MALRD1: variants seen among roughly 807,000 people sequenced by gnomAD.
MALRD1 encodes MAM and LDL-receptor class A domain-containing protein 1.
Under a neutral mutation model 242.1 loss-of-function variants are expected in MALRD1, and 247 were observed. The observed-to-expected ratio is 1.02, with a 90% CI of 0.92 to 1.13. The LOEUF (loss-of-function observed/expected upper bound fraction) is 1.13. Ranked by LOEUF, MALRD1 falls within the 50% of genes most tolerant of loss-of-function variation. MALRD1 has a pLI of 0.00. For synonymous variants in MALRD1, 995 were observed against 866.6 expected, an observed-to-expected ratio of 1.15 and a Z score of -2.60; for missense variants, 2,989 against 2,533.1, an observed-to-expected ratio of 1.18 and a Z score of -3.86.
intron 21 of MALRD1, among the ~76,000 whole-genome samples, chr10:19,287,666 G>A (rs997475417): frequency 1.3e-5 from 2 of 152,126 alleles, no homozygotes; most frequent in Middle Eastern, 3.4e-3. Context: ...ATGGTGCTGG[G>A]ATATTTGATT....
At chr10:19,057,699 C>T (rs1834708803) in intron 1 of MALRD1, among the ~76,000 whole-genome samples, 3 of 152,082 alleles carry the variant, frequency 2.0e-5, no homozygotes, top group Admixed American at 2.0e-4. Context: ...TGAATAGGTC[C>T]ATTTTCATGG....
chr10:19,188,423 A>G (rs1013577502), intron 14 of MALRD1, among the ~76,000 whole-genome samples: 1 of 152,204 alleles, frequency 6.6e-6, no homozygotes, highest in African/African-American at 2.4e-5. Flanking sequence ...GTGATTGTAT[A>G]TCTGAACAAA....
At chr10:19,476,828 G>A (rs752214955) in intron 29 of MALRD1, among the ~76,000 whole-genome samples, 3 of 151,988 alleles carry the variant, frequency 2.0e-5, no homozygotes, top group Non-Finnish European at 2.9e-5. Context: ...TAGAAGATTC[G>A]TGAGTCTTTC....
chr10:19,301,743 A>G (rs1366992875), intron 21 of MALRD1, among the ~76,000 whole-genome samples: 1 of 151,698 alleles, frequency 6.6e-6, no homozygotes, highest in Non-Finnish European at 1.5e-5. Context: ...GCGAGGATTG[A>G]AATGCTACCT....
chr10:19,381,992 A>T (rs1845857823), intron 26 of MALRD1, among the ~76,000 whole-genome samples: 1 of 152,096 alleles, frequency 6.6e-6, no homozygotes, highest in African/African-American at 2.4e-5. Context: ...GGTACTACGA[A>T]ATTTGTATGT....
At chr10:19,344,915 T>C (rs1844042886) in intron 24 of MALRD1, among the ~76,000 whole-genome samples, 1 of 152,082 alleles carries the variant, frequency 6.6e-6, no homozygotes, top group Non-Finnish European at 1.5e-5. Flanking sequence ...GTTTGATTGA[T>C]GACACAGCTT....
At chr10:19,468,764 A>T (rs2131128923) in intron 29 of MALRD1, among the ~76,000 whole-genome samples, 1 of 152,220 alleles carries the variant, frequency 6.6e-6, no homozygotes, top group South Asian at 2.1e-4. Flanking sequence ...ACAAGATCCC[A>T]GAAAACCCAT....
intron 16 of MALRD1, 31 bp downstream of exon 16, chr10:19,204,444 T>A: frequency 7.0e-7 from 1 of 1,428,976 alleles, no homozygotes; most frequent in Non-Finnish European, 9.6e-7. Flanking sequence ...TAAACAATAT[T>A]AAACAGTTCA....
At chr10:19,124,697 G>T (rs1187653382) in intron 7 of MALRD1, 27 bp downstream of exon 7, 1 of 1,232,470 alleles carries the variant, frequency 8.1e-7, no homozygotes, top group Non-Finnish European at 1.0e-6. Flanking sequence ...TATCTTTTAT[G>T]TATTACTTTC....
chr10:19,605,121 T>C (rs1838542547), intron 34 of MALRD1, among the ~76,000 whole-genome samples: 1 of 151,846 alleles, frequency 6.6e-6, no homozygotes, highest in African/African-American at 2.4e-5. Context: ...CCCTAGACAA[T>C]TTCTACCATT....
intron 31 of MALRD1, among the ~76,000 whole-genome samples, chr10:19,524,709 T>G (rs979462293): frequency 7.0e-6 from 1 of 143,562 alleles, no homozygotes; most frequent in African/African-American, 2.9e-5. Flanking sequence ...CCAGCTTTAT[T>G]TTATGAACAG....
intron 26 of MALRD1, among the ~76,000 whole-genome samples, chr10:19,357,101 C>T (rs1218986904): frequency 1.6e-5 from 2 of 125,590 alleles, no homozygotes; most frequent in African/African-American, 3.2e-5. Context: ...CAGAGTGAGA[C>T]TCTGTCTGAA....
chr10:19,315,840 ATTATT>A (rs976080750), intron 21 of MALRD1, among the ~76,000 whole-genome samples: 9 of 145,648 alleles, frequency 6.2e-5, no homozygotes, highest in African/African-American at 2.0e-4. Context: ...AAATTTTTAA[ATTATT>A]TTATTATTTA....
At chr10:19,105,851 G>A (rs1224544557) in intron 5 of MALRD1, among the ~76,000 whole-genome samples, 2 of 151,824 alleles carry the variant, frequency 1.3e-5, no homozygotes, top group East Asian at 3.9e-4. Context: ...GAGGTTTTGT[G>A]TCCACTTTCA....
chr10:19,168,134 A>C (rs1834778242), intron 13 of MALRD1, among the ~76,000 whole-genome samples: 2 of 152,150 alleles, frequency 1.3e-5, no homozygotes, highest in South Asian at 4.1e-4. Flanking sequence ...AGGCTTCTTT[A>C]CTCAGTGAAG....
chr10:19,595,309 A>G lies in MALRD1; in HGVS notation c.5796A>G (p.Gly1932=). The change falls in exon 34 of 40, where the codon GGA becomes GGG. Residue 1932 remains glycine (G), a synonymous_variant. Transcript: ENST00000454679. ...ATGGACATGAAGACTGCATAGATGG[A>G]TCTGATGAAATGGATTGTCCTCTCA... is the stretch of plus-strand genomic sequence containing the variant. The part of the protein sequence containing the change: ...KCDGHEDCID[G]SDEMDCPLSP... 4.5e-6 allele frequency: 7 copies of G among 1,550,752 alleles called. No homozygotes were observed. The highest frequency in any genetic ancestry group is 6.1e-6 in the Non-Finnish European group (7 of 1,146,974).
At chr10:19,492,459 C>G (rs938994184) in intron 30 of MALRD1, among the ~76,000 whole-genome samples, 1 of 152,060 alleles carries the variant, frequency 6.6e-6, no homozygotes, top group Non-Finnish European at 1.5e-5. Flanking sequence ...TGGCCTGAGT[C>G]GAACTGATAG....
At chr10:19,394,523 G>A (rs1010354017) in intron 28 of MALRD1, among the ~76,000 whole-genome samples, 2 of 152,144 alleles carry the variant, frequency 1.3e-5, no homozygotes, top group Non-Finnish European at 2.9e-5. Context: ...TGGTCATTCT[G>A]GGTCCACTTT....
In MALRD1 at chr10:19,411,790, G is replaced by C. The variant is rs112673177; in HGVS notation, c.4845+22181G>C. ...CCTAGAATTCTTTAAGCATAGCAGT[G>C]ATTTGGAGCTTGGTAAGAGAAAATT... is the stretch of plus-strand genomic sequence containing the variant. On this transcript the variant is annotated intron_variant, in intron 28 of 39. Transcript: ENST00000454679. 9.8e-3 allele frequency among the ~76,000 whole-genome samples: 1,486 copies of C among 152,252 alleles called. 26 individuals carry two copies. The highest frequency in any genetic ancestry group is 0.034 in the African/African-American group (1,418 of 41,550).
Sources: allele counts gnomAD v4.1 joint callset (sites outside exome capture counted in the v4.1 genomes callset), GRCh38; gene constraint gnomAD v4.1.1; transcripts MANE v1.5; gene names NCBI Gene and HGNC (gene_info 2026-07-23, HGNC 2026-07-21).